PLOD2: variants seen among roughly 807,000 people sequenced by gnomAD.
PLOD2 encodes the protein lysine hydroxylase 2.
Under a neutral mutation model 101.0 loss-of-function variants are expected in PLOD2, and 65 were observed. The ratio of observed to expected loss-of-function variants is 0.64; its 90% CI spans 0.53 to 0.79. PLOD2 has a LOEUF of 0.79. Among genes scored for constraint, PLOD2 ranks in the 30% least tolerant of loss-of-function variants. The pLI, the probability that PLOD2 is intolerant of heterozygous loss-of-function variation, is 0.00. For synonymous variants in PLOD2, 314 were observed against 302.9 expected, an observed-to-expected ratio of 1.04 and a Z score of -0.38; for missense variants, 909 against 914.6, an observed-to-expected ratio of 0.99 and a Z score of 0.08.
intron 12 of PLOD2, among the ~76,000 whole-genome samples, chr3:146,079,570 C>T (rs182387543): frequency 2.8e-4 from 42 of 151,968 alleles, no homozygotes; most frequent in Admixed American, 9.9e-4. Flanking sequence ...ATTGTATAGA[C>T]GGTGTTTCTA....
intron 8 of PLOD2, 142 bp from the exon 9 acceptor site, chr3:146,088,853 G>T: frequency 1.4e-6 from 1 of 732,548 alleles, no homozygotes; most frequent in Non-Finnish European, 2.2e-6. Flanking sequence ...TTGCTCCATG[G>T]CAGTTCTCTA....
intron 10 of PLOD2, 57 bp from the exon 11 acceptor site, chr3:146,085,330 GA>G: frequency 1.2e-6 from 1 of 855,014 alleles, no homozygotes. Flanking sequence ...TCTGCTGACT[GA>G]AAAATGTTAA....
At chr3:146,083,579 T>C (rs1270386978) in intron 11 of PLOD2, among the ~76,000 whole-genome samples, 2 of 39,472 alleles carry the variant, frequency 5.1e-5, no homozygotes, top group African/African-American at 9.3e-5. Context: ...GTCTTTTTCT[T>C]TTTTTTTTTT....
At chr3:146,132,492 G>A (rs907113309) in intron 1 of PLOD2, among the ~76,000 whole-genome samples, 12 of 151,962 alleles carry the variant, frequency 7.9e-5, no homozygotes, top group African/African-American at 2.7e-4. Flanking sequence ...AAGGTGCACC[G>A]AGACCATCCC....
intron 1 of PLOD2, among the ~76,000 whole-genome samples, chr3:146,146,348 C>T (rs2031774607): frequency 6.6e-6 from 1 of 152,140 alleles, no homozygotes; most frequent in Admixed American, 6.6e-5. Context: ...AAATTATACC[C>T]CTCCTCTAAG....
chr3:146,116,070 A>C (rs1224677486), intron 3 of PLOD2, among the ~76,000 whole-genome samples: 1 of 152,206 alleles, frequency 6.6e-6, no homozygotes, highest in African/African-American at 2.4e-5. Context: ...AAACTTCAGC[A>C]AAAATTATAA....
At chr3:146,143,937 T>C (rs1185024755) in intron 1 of PLOD2, among the ~76,000 whole-genome samples, 2 of 151,996 alleles carry the variant, frequency 1.3e-5, no homozygotes, top group South Asian at 2.1e-4. Flanking sequence ...ATCCCCTCCT[T>C]GTCCCTAATG....
At chr3:146,101,125 T>A (rs1018326089) in intron 7 of PLOD2, among the ~76,000 whole-genome samples, 5 of 152,134 alleles carry the variant, frequency 3.3e-5, no homozygotes, top group African/African-American at 1.2e-4. Flanking sequence ...TCTCTGGGTA[T>A]ATGTAACACA....
chr3:146,157,332 T>C (rs1313230617), intron 1 of PLOD2, among the ~76,000 whole-genome samples: 4 of 152,120 alleles, frequency 2.6e-5, no homozygotes, highest in South Asian at 2.1e-4. Context: ...TAAGGACCTA[T>C]AGTACAAAGT....
intron 1 of PLOD2, among the ~76,000 whole-genome samples, chr3:146,128,880 C>CTT (rs3975816): frequency 4.4e-4 from 32 of 73,224 alleles, no homozygotes; most frequent in Admixed American, 9.2e-4. Flanking sequence ...ATCTGAAATC[C>CTT]TTTTTTTTTT....
intron 12 of PLOD2, 32 bp downstream of exon 12, chr3:146,081,706 T>A: frequency 6.4e-7 from 1 of 1,557,898 alleles, no homozygotes; most frequent in South Asian, 1.1e-5. Context: ...ATTATGGTAT[T>A]TCACATTAAA....
chr3:146,096,985 G>A (rs1336464475), intron 7 of PLOD2, among the ~76,000 whole-genome samples: 12 of 143,450 alleles, frequency 8.4e-5, no homozygotes, highest in Admixed American at 4.1e-4. Context: ...CAGCCGCCCC[G>A]GCCGGGAGGG....
At chr3:146,091,222 T>C (rs1369001397) in intron 8 of PLOD2, among the ~76,000 whole-genome samples, 3 of 151,808 alleles carry the variant, frequency 2.0e-5, no homozygotes, top group African/African-American at 4.8e-5. Context: ...GGAGCCAGAC[T>C]CCCTATATTC....
At chr3:146,098,536 A>G (rs1174513236) in intron 7 of PLOD2, among the ~76,000 whole-genome samples, 1 of 152,200 alleles carries the variant, frequency 6.6e-6, no homozygotes, top group Non-Finnish European at 1.5e-5. Context: ...TACTGAGGAG[A>G]CATAAAAACT....
rs1252603028 is a variant in PLOD2 at position 146,077,037 on chromosome 3, T to C, written c.1564-142A>G. The C allele has an allele frequency of 6.9e-6, 9 of 1,301,964 alleles. No individual in the cohort carries two copies. In the South Asian group the frequency reaches 1.1e-4, roughly 16 times the overall value. The allele number at this position is 1,301,964 out of a possible 1,614,324, so 80.7% of individuals were successfully genotyped here. A position where few individuals can be genotyped will look rare whatever the true frequency, so the allele number is the denominator to read the frequency against. On this transcript the variant is annotated intron_variant, in intron 14 of 19. Transcript: ENST00000282903. The stretch of plus-strand genomic sequence containing the variant: ...GCATTTTTAGTATTCATATAAAATG[T>C]GCATAGTTTAAAATAAAAAACTCAA...
chr3:146,142,470 A>G (rs932977810), intron 1 of PLOD2, among the ~76,000 whole-genome samples: 1 of 151,974 alleles, frequency 6.6e-6, no homozygotes, highest in African/African-American at 2.4e-5. Flanking sequence ...CCTATTTCCA[A>G]AAACTAAGGG....
At chr3:146,108,062 G>C (rs1231911183) in intron 4 of PLOD2, among the ~76,000 whole-genome samples, 2 of 151,520 alleles carry the variant, frequency 1.3e-5, no homozygotes, top group Non-Finnish European at 2.9e-5. Flanking sequence ...TTATATTACT[G>C]TTCTTCAAAA....
Position 146,106,438 on chromosome 3 carries a change from A to G in PLOD2, c.615+94T>C, listed in dbSNP as rs138046556. 5.2e-6 allele frequency: 4 copies of G among 763,556 alleles called. No homozygotes were observed. In the African/African-American group the frequency reaches 6.8e-5, roughly 13 times the overall value. 47.3% of individuals were successfully genotyped at this position (763,556 alleles called of 1,614,324 possible). ...TCAGTTTACCATTTGCCATACTATC[A>G]TAAAACCTTTGTTTCTGACCACTCC... On this transcript the variant is annotated intron_variant, in intron 5 of 19. Coordinates refer to ENST00000282903, the MANE Select transcript of PLOD2 (RefSeq NM_182943.3).
At chr3:146,155,274 T>C (rs757823403) in intron 1 of PLOD2, among the ~76,000 whole-genome samples, 7 of 152,078 alleles carry the variant, frequency 4.6e-5, no homozygotes, top group Non-Finnish European at 7.4e-5. Flanking sequence ...TAGTGAGCTA[T>C]GATAGCGTCA....
Sources: gnomAD v4.1 joint callset for allele counts (sites outside exome capture counted in the v4.1 genomes callset) on GRCh38, gnomAD v4.1.1 for gene constraint, MANE v1.5 for transcripts, NCBI Gene and HGNC (gene_info 2026-07-23, HGNC 2026-07-21) for gene names.